Variants in STPG2 observed in about 807,000 individuals in gnomAD.
STPG2 encodes sperm tail PG-rich repeat containing 2.
STPG2 carries 56 observed loss-of-function variants against 54.2 expected under a neutral mutation model. That is an observed-to-expected ratio of 1.03 (90% CI 0.83 to 1.29). The LOEUF (loss-of-function observed/expected upper bound fraction) is 1.29, where lower values mean the gene tolerates loss of function less well. Ranked by LOEUF, STPG2 falls within the 50% of genes most tolerant of loss-of-function variation. The pLI is 0.00. For synonymous variants in STPG2, 200 were observed against 181.8 expected, an observed-to-expected ratio of 1.10 and a Z score of -0.81; for missense variants, 596 against 544.9, an observed-to-expected ratio of 1.09 and a Z score of -0.93.
chr4:97,751,121 A>G (rs893779818), intron 9 of STPG2, among the ~76,000 whole-genome samples: 2 of 151,822 alleles, frequency 1.3e-5, no homozygotes, highest in African/African-American at 4.8e-5. Flanking sequence ...AGGTTCAAGT[A>G]AGCTTCCTTG....
intron 5 of STPG2, among the ~76,000 whole-genome samples, chr4:98,064,348 T>C (rs1361938068): frequency 6.6e-6 from 1 of 152,146 alleles, no homozygotes; most frequent in East Asian, 1.9e-4. Flanking sequence ...GGCGCAAAAA[T>C]CCAAATAAAA....
At chr4:97,531,509 A>T (rs1156744269) in intron 4 of STPG2, among the ~76,000 whole-genome samples, 1 of 152,236 alleles carries the variant, frequency 6.6e-6, no homozygotes, top group East Asian at 1.9e-4. Flanking sequence ...CTTAGACACA[A>T]TGGAGAACAA....
At chr4:97,623,809 C>A (rs1034909491) in intron 10 of STPG2, among the ~76,000 whole-genome samples, 1 of 152,066 alleles carries the variant, frequency 6.6e-6, no homozygotes, top group South Asian at 2.1e-4. Context: ...CACTGACAGT[C>A]CCCAGTGTGT....
At chr4:97,914,293 C>T (rs1731790143) in intron 8 of STPG2, among the ~76,000 whole-genome samples, 2 of 152,164 alleles carry the variant, frequency 1.3e-5, no homozygotes, top group South Asian at 4.1e-4. Context: ...CAATTGAAAA[C>T]ATTGTAATAG....
At chr4:97,608,885 T>C (rs765544296) in intron 10 of STPG2, among the ~76,000 whole-genome samples, 7 of 152,082 alleles carry the variant, frequency 4.6e-5, no homozygotes, top group Non-Finnish European at 1.0e-4. Flanking sequence ...CTCTCATGAA[T>C]TTCAGTGTAC....
intron 9 of STPG2, among the ~76,000 whole-genome samples, chr4:97,775,143 A>C (rs1015054538): frequency 6.6e-6 from 1 of 152,242 alleles, no homozygotes; most frequent in Non-Finnish European, 1.5e-5. Flanking sequence ...AAGGAATGTA[A>C]AGCATATGAT....
chr4:98,126,413 T>G (rs1272388356), intron 3 of STPG2, among the ~76,000 whole-genome samples: 1 of 152,188 alleles, frequency 6.6e-6, no homozygotes, highest in African/African-American at 2.4e-5. Flanking sequence ...TCCTGGTCCA[T>G]GAGTTGCAAA....
At chr4:97,486,829 G>GTGTATA (rs1490371230) in intron 4 of STPG2, among the ~76,000 whole-genome samples, 43 of 90,246 alleles carry the variant, frequency 4.8e-4, no homozygotes, top group South Asian at 3.0e-3. Flanking sequence ...GTGTGTGTGT[G>GTGTATA]TATATATATA....
At chr4:97,643,233 C>A (rs1721814232) in intron 10 of STPG2, among the ~76,000 whole-genome samples, 1 of 151,324 alleles carries the variant, frequency 6.6e-6, no homozygotes, top group Admixed American at 6.6e-5. Flanking sequence ...TTTCAGTGAA[C>A]AACCTTTTAA....
chr4:97,876,402 T>C (rs569359714), intron 8 of STPG2, among the ~76,000 whole-genome samples: 27 of 152,216 alleles, frequency 1.8e-4, no homozygotes, highest in African/African-American at 6.5e-4. Flanking sequence ...TGTTAATGCT[T>C]CTTTTATAAT....
intron 5 of STPG2, among the ~76,000 whole-genome samples, chr4:98,100,824 T>A (rs1739010482): frequency 6.6e-6 from 1 of 151,920 alleles, no homozygotes; most frequent in Non-Finnish European, 1.5e-5. Flanking sequence ...TACAGGCACG[T>A]GCCACCATGC....
At chr4:97,486,856 TACAAAC>T (rs1176272171) in intron 4 of STPG2, among the ~76,000 whole-genome samples, 11 of 117,024 alleles carry the variant, frequency 9.4e-5, no homozygotes, top group African/African-American at 4.8e-4. Context: ...TATGTATGTA[TACAAAC>T]ACACACACAC....
At chr4:97,682,812 G>T (rs1221692151) in intron 10 of STPG2, among the ~76,000 whole-genome samples, 1 of 151,776 alleles carries the variant, frequency 6.6e-6, no homozygotes, top group African/African-American at 2.4e-5. Context: ...CATAGTTTAA[G>T]TCCTTGGTGC....
At chr4:97,839,261 A>G (rs1197078258) in intron 9 of STPG2, among the ~76,000 whole-genome samples, 2 of 151,552 alleles carry the variant, frequency 1.3e-5, no homozygotes, top group African/African-American at 4.8e-5. Flanking sequence ...GTAGGTGGCA[A>G]ATATCTCAAC....
chr4:97,925,257 T>G (rs1416495078), intron 8 of STPG2, among the ~76,000 whole-genome samples: 2 of 152,202 alleles, frequency 1.3e-5, no homozygotes, highest in Non-Finnish European at 2.9e-5. Context: ...TTTATCACAG[T>G]GCATCATGTT....
At chr4:97,898,943 T>G (rs2149183345) in intron 8 of STPG2, among the ~76,000 whole-genome samples, 1 of 151,740 alleles carries the variant, frequency 6.6e-6, no homozygotes, top group East Asian at 1.9e-4. Flanking sequence ...GAACTCCTAT[T>G]CAACATAGTA....
chr4:98,081,934 T>A (rs1386713776), intron 5 of STPG2, among the ~76,000 whole-genome samples: 1 of 152,198 alleles, frequency 6.6e-6, no homozygotes, highest in East Asian at 1.9e-4. Flanking sequence ...CAATAGAGGC[T>A]ATGATAAAAG....
intron 5 of STPG2, among the ~76,000 whole-genome samples, chr4:98,045,009 G>A (rs1291369561): frequency 6.6e-6 from 1 of 151,944 alleles, no homozygotes; most frequent in East Asian, 1.9e-4. Context: ...TGTTGTAGCA[G>A]TGCCCTTCAT....
In STPG2 at chr4:97,810,444, C is replaced by G. The variant is rs185064381; in HGVS notation, c.1204+30329G>C. 5.3e-3 allele frequency among the ~76,000 whole-genome samples: 724 copies of G among 137,106 alleles called. 6 individuals are homozygous for G. The highest frequency in any genetic ancestry group is 0.021 in the Middle Eastern group (5 of 236). 89.9% of individuals were successfully genotyped at this position (137,106 alleles called of 152,430 possible). ...GCACCACTGCACTTCAGCCTGGCAA[C>G]AGAGTGAGACTCTGTCTCAAAAAAA... On this transcript the variant is annotated intron_variant, in intron 9 of 10. Coordinates refer to ENST00000295268, the MANE Select transcript of STPG2 (RefSeq NM_174952.3).
Sources: gnomAD v4.1 joint callset for allele counts (sites outside exome capture counted in the v4.1 genomes callset) on GRCh38, gnomAD v4.1.1 for gene constraint, MANE v1.5 for transcripts, NCBI Gene and HGNC (gene_info 2026-07-23, HGNC 2026-07-21) for gene names.